Variants in SMARCAD1 observed in about 807,000 individuals in gnomAD.
SMARCAD1 encodes SWI/SNF-related matrix-associated actin-dependent regulator of chromatin subfamily A containing DEAD/H box 1.
SMARCAD1 carries 25 observed loss-of-function variants against 127.1 expected under a neutral mutation model. The ratio of observed to expected loss-of-function variants is 0.20; its 90% CI spans 0.14 to 0.27. The LOEUF is 0.27. Among genes scored for constraint, SMARCAD1 ranks in the 10% least tolerant of loss-of-function variants. SMARCAD1 has a pLI of 1.00. For missense variants in SMARCAD1, 807 were observed against 1,206.0 expected (o/e 0.67, Z 4.90); for synonymous variants, 400 against 396.9 (o/e 1.01, Z -0.09).
rs150015332 is a variant in SMARCAD1, at chr4:94,244,535, G to A, written c.705+3529G>A. On this transcript the variant is annotated intron_variant, in intron 6 of 23. Coordinates refer to ENST00000354268, the MANE Select transcript of SMARCAD1 (RefSeq NM_020159.5). ...GTTCTAGGATTTAAGGCTCCTAAAGGTAACATAACTGTGATATTTGGCACC... is the reference window on the plus strand; with the variant it reads ...GTTCTAGGATTTAAGGCTCCTAAAGATAACATAACTGTGATATTTGGCACC... Among the ~76,000 whole-genome samples the A allele has an allele frequency of 5.8e-3, 881 of 152,242 alleles. 40 individuals carry two copies. Among genetic ancestry groups the A allele is most frequent in the Admixed American group, 0.05 (766 of 15,298 alleles).
At chr4:94,209,420 T>C (rs538167470) in intron 2 of SMARCAD1, among the ~76,000 whole-genome samples, 1 of 149,490 alleles carries the variant, frequency 6.7e-6, no homozygotes. Context: ...ATAAACTAAT[T>C]AGTTAGTTTC....
Position 94,277,023 on chromosome 4 carries a change from CAAAT to C in SMARCAD1, c.1949_1952del (p.Asn650ThrfsTer15). ...TATAAATTTTACCTTCATTCACAGGCAAATAACCGTTTGCTGCTCACAGGCACAC... is the reference window on the plus strand; with the variant it reads ...TATAAATTTTACCTTCATTCACAGGCAACCGTTTGCTGCTCACAGGCACAC... On this transcript the variant is annotated frameshift_variant and splice_region_variant, in exon 16 of 24. Transcript: ENST00000354268. LOFTEE classifies it high-confidence loss of function. The C allele has an allele frequency of 6.2e-7, 1 of 1,613,996 alleles. No individual in the cohort carries two copies. The highest frequency in any genetic ancestry group is 8.5e-7 in the Non-Finnish European group (1 of 1,179,952).
intron 9 of SMARCAD1, among the ~76,000 whole-genome samples, chr4:94,257,201 C>A (rs1006883183): frequency 6.6e-6 from 1 of 151,928 alleles, no homozygotes; most frequent in African/African-American, 2.4e-5. Context: ...CTTTCTTCCT[C>A]CTGAAAAAAA....
At chr4:94,241,052 T>G (rs754522294) in intron 6 of SMARCAD1, 46 bp downstream of exon 6, 1 of 1,346,318 alleles carries the variant, frequency 7.4e-7, no homozygotes, top group Non-Finnish European at 1.1e-6. Flanking sequence ...CTGCTTAAGG[T>G]TAGGATATGT....
At chr4:94,221,799 C>A (rs1170248415) in intron 2 of SMARCAD1, among the ~76,000 whole-genome samples, 5 of 152,068 alleles carry the variant, frequency 3.3e-5, no homozygotes, top group Admixed American at 6.6e-5. Context: ...AAAAGAAAAG[C>A]GTACCATTTT....
intron 11 of SMARCAD1, among the ~76,000 whole-genome samples, chr4:94,272,864 C>T (rs1752741350): frequency 6.6e-6 from 1 of 151,862 alleles, no homozygotes; most frequent in African/African-American, 2.4e-5. Flanking sequence ...TGGAGTGCAG[C>T]GGCGCACTCT....
In SMARCAD1 at chr4:94,283,552, G is replaced by A. The variant is rs144426096; in HGVS notation, c.2909+249G>A. On this transcript the variant is annotated intron_variant, in intron 22 of 23. Transcript: ENST00000354268. ...AAGTATTAACAATTGACGGCCGGGC[G>A]CCGTGGCTCACGCCTGTAATCCCAG... 6.2e-3 allele frequency among the ~76,000 whole-genome samples: 940 copies of A among 152,298 alleles called. 10 individuals carry two copies. Among genetic ancestry groups the A allele is most frequent in the African/African-American group, 0.022 (895 of 41,566 alleles).
chr4:94,208,164 T>C (rs781285192), intron 1 of SMARCAD1, 94 bp downstream of exon 1: 1 of 677,230 alleles, frequency 1.5e-6, no homozygotes, highest in Non-Finnish European at 2.7e-6. Context: ...CAATGGAAAA[T>C]TTTAAAAGAT....
At chr4:94,232,864 C>CGA (rs1187324086) in intron 3 of SMARCAD1, among the ~76,000 whole-genome samples, 1 of 152,054 alleles carries the variant, frequency 6.6e-6, no homozygotes, top group Non-Finnish European at 1.5e-5. Flanking sequence ...CCTGTGGTCT[C>CGA]AGCTACTCAG....
chr4:94,240,497 C>G (rs1283917181), intron 5 of SMARCAD1, among the ~76,000 whole-genome samples: 1 of 152,080 alleles, frequency 6.6e-6, no homozygotes, highest in Non-Finnish European at 1.5e-5. Flanking sequence ...TGTGCAAGGC[C>G]TGGTACATAG....
intron 21 of SMARCAD1, among the ~76,000 whole-genome samples, chr4:94,282,693 A>G (rs555335477): frequency 2.9e-4 from 44 of 152,060 alleles, no homozygotes; most frequent in African/African-American, 1.1e-3. Context: ...ACTAAAGGTA[A>G]AAGTAATGTT....
chr4:94,262,934 C>CA (rs1380060402), intron 9 of SMARCAD1, among the ~76,000 whole-genome samples: 1 of 111,326 alleles, frequency 9.0e-6, no homozygotes, highest in East Asian at 4.3e-4. Context: ...TAGTTGGTTA[C>CA]AGAAAAAAAA....
chr4:94,266,808 TAGG>T (rs1305938788), intron 10 of SMARCAD1, among the ~76,000 whole-genome samples: 2 of 152,146 alleles, frequency 1.3e-5, no homozygotes, highest in East Asian at 1.9e-4. Flanking sequence ...ATGTGAATTG[TAGG>T]AGAAGAAAGT....
At chr4:94,257,170 A>G (rs1385331293) in intron 9 of SMARCAD1, among the ~76,000 whole-genome samples, 1 of 152,150 alleles carries the variant, frequency 6.6e-6, no homozygotes, top group African/African-American at 2.4e-5. Flanking sequence ...ATTATTCAGG[A>G]AGTAGCAATT....
chr4:94,284,343 A>AG (rs1579372246), intron 22 of SMARCAD1, among the ~76,000 whole-genome samples: 1 of 104,718 alleles, frequency 9.5e-6, no homozygotes, highest in Admixed American at 1.1e-4. Context: ...AAAAAAAAAA[A>AG]AAAAAAAAAA....
chr4:94,272,709 T>C (rs556156088), intron 11 of SMARCAD1, among the ~76,000 whole-genome samples: 22 of 152,326 alleles, frequency 1.4e-4, no homozygotes, highest in African/African-American at 5.3e-4. Context: ...TAAATTGCCA[T>C]GTGGTATGGT....
chr4:94,275,796 C>CTTTTT (rs535710589), intron 14 of SMARCAD1, among the ~76,000 whole-genome samples: 1,008 of 85,292 alleles, frequency 0.012, 38 homozygotes, highest in African/African-American at 0.035. Context: ...TTAACATTTT[C>CTTTTT]TTTTTTTTTT....
At chr4:94,266,968 T>C (rs1458300396) in intron 10 of SMARCAD1, among the ~76,000 whole-genome samples, 1 of 152,162 alleles carries the variant, frequency 6.6e-6, no homozygotes, top group African/African-American at 2.4e-5. Flanking sequence ...GTTTAAAATA[T>C]AATACAGTGA....
At chr4:94,255,614 T>C (rs903446192) in intron 9 of SMARCAD1, among the ~76,000 whole-genome samples, 1 of 151,952 alleles carries the variant, frequency 6.6e-6, no homozygotes, top group Non-Finnish European at 1.5e-5. Context: ...TACTTGGTAA[T>C]CTAATTTCAG....
Sources: allele counts gnomAD v4.1 joint callset (sites outside exome capture counted in the v4.1 genomes callset), GRCh38; gene constraint gnomAD v4.1.1; transcripts MANE v1.5; gene names NCBI Gene and HGNC (gene_info 2026-07-23, HGNC 2026-07-21).